LILRB1: variants seen among roughly 807,000 people sequenced by gnomAD.
LILRB1 encodes leukocyte immunoglobulin-like receptor subfamily B member 1.
LILRB1 carries 59 observed loss-of-function variants against 74.6 expected under a neutral mutation model. The ratio of observed to expected loss-of-function variants is 0.79; its 90% CI spans 0.64 to 0.98. The LOEUF (loss-of-function observed/expected upper bound fraction) is 0.98. LILRB1 is among the 50% of genes least tolerant of loss of function. The probability of loss-of-function intolerance (pLI) is 0.00; values close to 1 mark genes in which losing one functional copy is unlikely to be tolerated. For missense variants in LILRB1, 804 were observed against 822.6 expected (o/e 0.98, Z 0.28); for synonymous variants, 328 against 333.9 (o/e 0.98, Z 0.19).
At chr19:54,631,858 T>C (rs2063892385) in intron 4 of LILRB1, 71 bp downstream of exon 4, 69 of 1,606,094 alleles carry the variant, frequency 4.3e-5, no homozygotes, top group Non-Finnish European at 5.9e-5. Flanking sequence ...CAGGGGCTTC[T>C]CCCTCTCACA....
upstream of LILRB1, among the ~76,000 whole-genome samples, chr19:54,616,640 T>G (rs867880459): frequency 3.9e-5 from 6 of 152,140 alleles, no homozygotes; most frequent in African/African-American, 1.4e-4. Context: ...TTCTAGGAAG[T>G]TGTTGTTTAA....
upstream of LILRB1, among the ~76,000 whole-genome samples, chr19:54,628,773 C>G (rs1223288009): frequency 6.6e-6 from 1 of 152,088 alleles, no homozygotes; most frequent in Non-Finnish European, 1.5e-5. Flanking sequence ...AAGGAACAGG[C>G]TGAGACCATC....
chr19:54,637,069 C>A lies in LILRB1; in HGVS notation c.*191C>A. On this transcript the variant is annotated 3_prime_UTR_variant, in exon 15 of 15. Transcript: ENST00000324602. ...AATTTTGAAATAAAGCAACAGACTT[C>A]TCAATAATCAATGAAGTAGCTGAGA... The A allele has an allele frequency of 1.6e-6, 1 of 630,798 alleles. No individual in the cohort carries two copies. Among genetic ancestry groups the A allele is most frequent in the South Asian group, 2.4e-5 (1 of 40,980 alleles). 39.1% of individuals were successfully genotyped at this position (630,798 alleles called of 1,614,324 possible).
In LILRB1 at chr19:54,635,421, A is replaced by T; in HGVS notation, c.1600+125A>T. Reference sequence around the variant, plus strand: ...TCAGGGTGAGATCATCTCACCCCACACTGTGGGGCCTCAGGGACATCGCAG... The same window carrying T: ...TCAGGGTGAGATCATCTCACCCCACTCTGTGGGGCCTCAGGGACATCGCAG... On this transcript the variant is annotated intron_variant, in intron 12 of 14. Transcript: ENST00000324602. The T allele has an allele frequency of 2.6e-6, 4 of 1,511,326 alleles. No individual in the cohort carries two copies. The Admixed American group carries it at 7.2e-5, about 27-fold the overall frequency. 93.6% of individuals were successfully genotyped at this position (1,511,326 alleles called of 1,614,324 possible).
rs543402210 is a variant in LILRB1, at chr19:54,636,283, C to T, written c.1654-211C>T. 1.4e-3 allele frequency: 1,344 copies of T among 954,450 alleles called. 3 individuals are homozygous for T. The highest frequency in any genetic ancestry group is 2.9e-3 in the African/African-American group (173 of 60,098). The allele number at this position is 954,450 out of a possible 1,614,324, so 59.1% of individuals were successfully genotyped here. A position where few individuals can be genotyped will look rare whatever the true frequency, so the allele number is the denominator to read the frequency against. The stretch of plus-strand genomic sequence containing the variant: ...AGCAGCGAGCTCTTGCAGGAAGGCC[C>T]GTGAGGCTGCAGCCAAATGGGCAAC... On this transcript the variant is annotated intron_variant, in intron 13 of 14. Coordinates refer to ENST00000324602, the MANE Select transcript of LILRB1 (RefSeq NM_001081637.3).
At position 54,636,505 on chromosome 19, in the gene LILRB1, C is replaced by G. The variant is rs369822175; in HGVS notation, c.1665C>G (p.His555Gln). 3.1e-6 allele frequency: 5 copies of G among 1,607,370 alleles called. No homozygotes were observed. In the Admixed American group the frequency reaches 5.0e-5, roughly 16 times the overall value. The change falls in exon 14 of 15, where the codon CAC becomes CAG. Residue 555 changes from histidine (H) to glutamine (Q), a missense_variant. Transcript: ENST00000324602. Reference protein sequence around the residue: ...GVEMDTRQSPHDEDPQAVTYA... With the variant: ...GVEMDTRQSPQDEDPQAVTYA... ...CTGTCTCTCTCCAGCAGAGCCCACA[C>G]GATGAAGACCCCCAGGCAGTGACGT... is the stretch of plus-strand genomic sequence containing the variant.
chr19:54,636,192 G>C (rs55960610), intron 13 of LILRB1: 65,142 of 561,246 alleles, frequency 0.12, 5,073 homozygotes, highest in African/African-American at 0.17. Flanking sequence ...ACAGAGTGGG[G>C]CACACGATCC....
chr19:54,632,388 T>A (rs10426886), intron 5 of LILRB1, 76 bp from the exon 6 acceptor site: 103,340 of 1,404,870 alleles, frequency 0.074, 7,118 homozygotes, highest in African/African-American at 0.4. Context: ...AGCAGTGATG[T>A]GGCCCCGGGG....
chr19:54,636,341 C>T lies in LILRB1; in HGVS notation c.1654-153C>T, dbSNP rs575362427. 166 of 1,251,984 alleles carry T rather than the reference C, an allele frequency of 1.3e-4. No individual in the cohort carries two copies. In the African/African-American group the frequency reaches 2.3e-3, roughly 18 times the overall value. The allele number at this position is 1,251,984 out of a possible 1,614,324, so 77.6% of individuals were successfully genotyped here. On this transcript the variant is annotated intron_variant, in intron 13 of 14. Transcript: ENST00000324602. Reference sequence around the variant, plus strand: ...TGAGGAGCAGAGGCCAGAACCACAGCGAGGGAGCGGCCAGACCCTCCACGG... The same window carrying T: ...TGAGGAGCAGAGGCCAGAACCACAGTGAGGGAGCGGCCAGACCCTCCACGG...
intron 1 of LILRB1, among the ~76,000 whole-genome samples, chr19:54,617,590 G>T (rs909341335): frequency 2.4e-4 from 22 of 91,674 alleles, no homozygotes; most frequent in East Asian, 1.3e-3. Flanking sequence ...TGTGTGTGTG[G>T]TGTGTGTGTG....
At chr19:54,621,601 A>T (rs2063459841) in intron 1 of LILRB1, among the ~76,000 whole-genome samples, 1 of 150,240 alleles carries the variant, frequency 6.7e-6, no homozygotes, top group Non-Finnish European at 1.5e-5. Flanking sequence ...CTTTTGTTGG[A>T]GGCATAATTT....
upstream of LILRB1, among the ~76,000 whole-genome samples, chr19:54,627,737 T>G (rs2063635152): frequency 6.6e-6 from 1 of 151,994 alleles, no homozygotes; most frequent in Admixed American, 6.5e-5. Context: ...TACTTCTGTA[T>G]GTCAGAGAGC....
At chr19:54,626,494 T>C (rs1365054461), upstream of LILRB1, among the ~76,000 whole-genome samples, 1 of 152,228 alleles carries the variant, frequency 6.6e-6, no homozygotes, top group East Asian at 1.9e-4. Flanking sequence ...ATTTCTTGTG[T>C]GCATTAATTA....
chr19:54,627,853 C>T (rs1228663834), upstream of LILRB1, among the ~76,000 whole-genome samples: 2 of 152,146 alleles, frequency 1.3e-5, no homozygotes, highest in Admixed American at 6.5e-5. Context: ...GACCCAGTAG[C>T]GGACGCCAGC....
chr19:54,632,561 C>T lies in LILRB1; in HGVS notation c.759C>T (p.Asn253=). ...AGTGTGGCTCTGATGCTGGCTACAA[C>T]AGATTTGTTCTGTATAAGGACGGGG... ...TLQCGSDAGY[N]RFVLYKDGER... is the part of the protein sequence containing the mutation. Residue 253 remains asparagine, a synonymous_variant, in exon 6 of 15, where the codon AAC becomes AAT. Transcript: ENST00000324602. 1 of 1,614,118 alleles carries T rather than the reference C, an allele frequency of 6.2e-7. No homozygotes were observed. Among genetic ancestry groups the T allele is most frequent in the Non-Finnish European group, 8.5e-7 (1 of 1,180,014 alleles).
chr19:54,630,596 C>T lies in LILRB1; in HGVS notation c.-86C>T, dbSNP rs762403337. The stretch of plus-strand genomic sequence containing the variant: ...GCCTGCAGCATGGACCTGGGTCTTC[C>T]CTGAAGCATCTCCAGGGCTGGAGGG... On this transcript the variant is annotated 5_prime_UTR_variant, in exon 1 of 15. Coordinates refer to ENST00000324602, the MANE Select transcript of LILRB1 (RefSeq NM_001081637.3). 2.6e-6 allele frequency: 2 copies of T among 780,154 alleles called. No homozygotes were observed. The highest frequency in any genetic ancestry group is 4.1e-6 in the Non-Finnish European group (2 of 487,308). 48.3% of individuals were successfully genotyped at this position (780,154 alleles called of 1,614,324 possible).
Position 54,630,623 on chromosome 19 carries a change from C to T in LILRB1, c.-59C>T, listed in dbSNP as rs546718350. ...TGAAGCATCTCCAGGGCTGGAGGGA[C>T]GACTGCCATGGTAAGGACCCCACAA... On this transcript the variant is annotated 5_prime_UTR_variant, in exon 1 of 15. In the 5' UTR this introduces an upstream ATG that the reference lacks. Coordinates refer to ENST00000324602, the MANE Select transcript of LILRB1 (RefSeq NM_001081637.3). The T allele has an allele frequency of 9.9e-5, 86 of 868,158 alleles. 1 individual carries two copies. Among genetic ancestry groups the T allele is most frequent in the African/African-American group, 5.7e-4 (34 of 59,694 alleles). The allele number at this position is 868,158 out of a possible 1,614,324, so 53.8% of individuals were successfully genotyped here. A position where few individuals can be genotyped will look rare whatever the true frequency, so the allele number is the denominator to read the frequency against.
At chr19:54,621,011 T>G (rs1420136127) in intron 1 of LILRB1, among the ~76,000 whole-genome samples, 1 of 152,134 alleles carries the variant, frequency 6.6e-6, no homozygotes, top group Admixed American at 6.5e-5. Context: ...TAGCTGGGAT[T>G]ACAGGTGCTC....
Position 54,637,662 on chromosome 19 carries a change from T to C in LILRB1, c.*784T>C, listed in dbSNP as rs2064550836. On this transcript the variant is annotated 3_prime_UTR_variant, in exon 15 of 15. Transcript: ENST00000324602. ...GTTGTTCATGAGGAAAAACCAAAGC[T>C]TGAAAATTCAACAAAGCCAGTGAAG... is the stretch of plus-strand genomic sequence containing the variant. The C allele has an allele frequency of 6.6e-6, 1 of 152,066 alleles. No homozygotes were observed. Among genetic ancestry groups the C allele is most frequent in the South Asian group, 2.1e-4 (1 of 4,824 alleles). The allele number at this position is 152,066 out of a possible 1,614,324, so 9.4% of individuals were successfully genotyped here.
Sources: allele counts gnomAD v4.1 joint callset (sites outside exome capture counted in the v4.1 genomes callset), GRCh38; gene constraint gnomAD v4.1.1; transcripts MANE v1.5; gene names NCBI Gene and HGNC (gene_info 2026-07-23, HGNC 2026-07-21).